The following PRKAG2 variants were observed in gnomAD, a reference collection of about 807,000 sequenced individuals.
PRKAG2 encodes the protein protein kinase AMP-activated non-catalytic subunit gamma 2, also known as 5'-AMP-activated protein kinase subunit gamma-2.
In PRKAG2, 26 loss-of-function variants were observed where a neutral mutation model predicts 69.6. The ratio of observed to expected loss-of-function variants is 0.37; its 90% confidence interval spans 0.27 to 0.52. The LOEUF is 0.52. Among genes scored for constraint, PRKAG2 ranks in the 20% least tolerant of loss-of-function variants. The pLI, the probability that PRKAG2 is intolerant of heterozygous loss-of-function variation, is 0.90. For missense variants in PRKAG2, 557 were observed against 740.0 expected, an observed-to-expected ratio of 0.75 and a Z score of 2.87; for synonymous variants, 293 against 285.0, an observed-to-expected ratio of 1.03 and a Z score of -0.28.
At chr7:151,594,151 C>T (rs1252192690) in intron 6 of PRKAG2, among the ~76,000 whole-genome samples, 1 of 152,198 alleles carries the variant, frequency 6.6e-6, no homozygotes, top group Non-Finnish European at 1.5e-5. Context: ...TCAGCTGGTG[C>T]TCCCGAAGGC....
chr7:151,669,660 T>C (rs1230991053), intron 4 of PRKAG2, among the ~76,000 whole-genome samples: 1 of 144,854 alleles, frequency 6.9e-6, no homozygotes, highest in Admixed American at 7.2e-5. Context: ...CCAGACTCAA[T>C]ATCCACTTGC....
intron 3 of PRKAG2, among the ~76,000 whole-genome samples, chr7:151,717,423 G>A (rs1796360473): frequency 6.6e-6 from 1 of 152,162 alleles, no homozygotes; most frequent in Non-Finnish European, 1.5e-5. Flanking sequence ...CATTTGCAGG[G>A]AGGCAAGAAT....
At chr7:151,731,505 T>A (rs1424953554) in intron 3 of PRKAG2, among the ~76,000 whole-genome samples, 1 of 148,374 alleles carries the variant, frequency 6.7e-6, no homozygotes, top group Non-Finnish European at 1.5e-5. Flanking sequence ...CTTGATTTGA[T>A]GGCTGTGGGG....
intron 3 of PRKAG2, among the ~76,000 whole-genome samples, chr7:151,727,235 A>G (rs1798134648): frequency 6.6e-6 from 1 of 151,274 alleles, no homozygotes; most frequent in South Asian, 2.1e-4. Flanking sequence ...AACAAAAAAC[A>G]AAACAAAACC....
chr7:151,569,060 G>A (rs1806934171), intron 10 of PRKAG2, among the ~76,000 whole-genome samples: 1 of 152,142 alleles, frequency 6.6e-6, no homozygotes, highest in Non-Finnish European at 1.5e-5. Context: ...CTCTAGAAGA[G>A]GAGATTTTTT....
intron 3 of PRKAG2, among the ~76,000 whole-genome samples, chr7:151,750,126 C>G (rs2074568471): frequency 6.7e-6 from 1 of 149,202 alleles, no homozygotes; most frequent in Non-Finnish European, 1.5e-5. Context: ...AAGAACTGAA[C>G]CGTTGGCAAG....
At chr7:151,735,986 C>T (rs1040112288) in intron 3 of PRKAG2, 23 of 1,536,216 alleles carry the variant, frequency 1.5e-5, no homozygotes, top group Admixed American at 5.9e-5. Context: ...GCTCCCAAAG[C>T]GCTTCATGGG....
At chr7:151,694,711 G>A (rs1271278125) in intron 3 of PRKAG2, among the ~76,000 whole-genome samples, 1 of 152,196 alleles carries the variant, frequency 6.6e-6, no homozygotes, top group Non-Finnish European at 1.5e-5. Flanking sequence ...TCCCGGCTTT[G>A]CCATCGCTTT....
At chr7:151,817,117 G>A (rs565556307) in intron 1 of PRKAG2, among the ~76,000 whole-genome samples, 1 of 152,254 alleles carries the variant, frequency 6.6e-6, no homozygotes, top group South Asian at 2.1e-4. Context: ...ATTTCTCCTC[G>A]CTTCCAGAAC....
chr7:151,700,958 A>G (rs990910690), intron 3 of PRKAG2, among the ~76,000 whole-genome samples: 7 of 152,234 alleles, frequency 4.6e-5, no homozygotes, highest in African/African-American at 1.4e-4. Flanking sequence ...ATTTCCACAC[A>G]GGCGAGACCA....
intron 1 of PRKAG2, among the ~76,000 whole-genome samples, chr7:151,821,064 A>G (rs557088105): frequency 2.1e-5 from 1 of 46,928 alleles, no homozygotes; most frequent in Non-Finnish European, 4.4e-5. Flanking sequence ...CTGTGGAGAC[A>G]GGGAACAAGC....
chr7:151,777,429 T>G lies in PRKAG2; in HGVS notation c.466+3723A>C, dbSNP rs2076427960. Among the ~76,000 whole-genome samples, 1 of 152,164 alleles carries G rather than the reference T, an allele frequency of 6.6e-6. No individual in the cohort carries two copies. The highest frequency in any genetic ancestry group is 1.5e-5 in the Non-Finnish European group (1 of 68,016). ...GGCCCCGTGGGAGGTGTTTGGGTCC[T>G]GGGGGCAGATGCCTCATGAATGGCT... On this transcript the variant is annotated intron_variant, in intron 3 of 15. Transcript: ENST00000287878. The surrounding 1 kb of genome is among the most constrained non-coding windows in gnomAD (Gnocchi z 4.3).
chr7:151,698,917 C>G (rs1172213503), intron 3 of PRKAG2, among the ~76,000 whole-genome samples: 1 of 152,188 alleles, frequency 6.6e-6, no homozygotes, highest in East Asian at 1.9e-4. Context: ...TGGACCACTC[C>G]AAGCCACCCT....
chr7:151,815,195 TC>T (rs60413142), intron 1 of PRKAG2, among the ~76,000 whole-genome samples: 48,032 of 151,798 alleles, frequency 0.32, 7,976 homozygotes, highest in South Asian at 0.39. Context: ...TTCCCCCAAC[TC>T]CAACCAGACA....
At position 151,568,835 on chromosome 7, in the gene PRKAG2, C is replaced by G. The variant is rs760826751; in HGVS notation, c.1114G>C (p.Asp372His). Reference protein sequence around the residue: ...VNISPDASLFDAVYSLIKNKI... With the variant: ...VNISPDASLFHAVYSLIKNKI... ...TTTTTGATCAAGGAGTATACAGCAT[C>G]GAAGAGGCTGTGGGAGAAGTCATTA... Residue 372 changes from aspartate (D) to histidine (H), a missense_variant, in exon 11 of 16, where the codon GAT (aspartate) becomes CAT (histidine). Asp to His is a moderately conservative substitution (Grantham distance 81, BLOSUM62 -1). Around this residue, in one of 2 missense-constraint regions of PRKAG2, gnomAD observed 205 missense variants for 383.4 expected, o/e 0.53. Coordinates refer to ENST00000287878, the MANE Select transcript of PRKAG2 (RefSeq NM_016203.4). 6.2e-7 allele frequency: 1 copy of G among 1,613,772 alleles called. No individual in the cohort carries two copies.
intron 4 of PRKAG2, among the ~76,000 whole-genome samples, chr7:151,647,413 A>T (rs1206973417): frequency 6.6e-6 from 1 of 152,244 alleles, no homozygotes; most frequent in East Asian, 1.9e-4. Flanking sequence ...GACAGTTATA[A>T]TTGGGGAAAT....
At chr7:151,817,891 C>T (rs538101793) in intron 1 of PRKAG2, among the ~76,000 whole-genome samples, 1 of 152,286 alleles carries the variant, frequency 6.6e-6, no homozygotes, top group East Asian at 1.9e-4. Flanking sequence ...GCCACTGTCC[C>T]TTTATTCATT....
intron 15 of PRKAG2, chr7:151,557,582 G>A: frequency 1.0e-6 from 1 of 985,166 alleles, no homozygotes; most frequent in Non-Finnish European, 1.2e-6. Context: ...ATTAAAAAAA[G>A]GTTTAGGCCG....
At chr7:151,816,946 G>A (rs1563725515) in intron 1 of PRKAG2, among the ~76,000 whole-genome samples, 4 of 152,150 alleles carry the variant, frequency 2.6e-5, no homozygotes, top group South Asian at 2.1e-4. Flanking sequence ...GGAGACCAGC[G>A]TTTGAGAGTG....
Sources: allele counts gnomAD v4.1 joint callset (sites outside exome capture counted in the v4.1 genomes callset), GRCh38; gene constraint gnomAD v4.1.1; regional missense constraint gnomAD v4.1.1; non-coding constraint Gnocchi (gnomAD v3.1); transcripts MANE v1.5; gene names NCBI Gene and HGNC (gene_info 2026-07-23, HGNC 2026-07-21).